Variants in PTTG1 observed in about 807,000 individuals in gnomAD.
PTTG1 encodes the protein securin.
PTTG1 carries 8 observed loss-of-function variants against 20.0 expected under a neutral mutation model. The ratio of observed to expected loss-of-function variants is 0.40; its 90% CI spans 0.23 to 0.72. The LOEUF (loss-of-function observed/expected upper bound fraction) is 0.72, where lower values mean the gene tolerates loss of function less well. Ranked by LOEUF, PTTG1 falls within the 30% of genes least tolerant of loss-of-function variation. PTTG1 has a pLI of 0.38. For synonymous variants in PTTG1, 79 were observed against 87.2 expected, an observed-to-expected ratio of 0.91 and a Z score of 0.52; for missense variants, 197 against 236.0, an observed-to-expected ratio of 0.83 and a Z score of 1.08.
At position 160,428,498 on chromosome 5, in the gene PTTG1, A is replaced by G. The variant is rs371592568; in HGVS notation, c.530-104A>G. 1.3e-5 allele frequency: 14 copies of G among 1,041,610 alleles called. No individual in the cohort carries two copies. The East Asian group carries it at 2.4e-4, about 18-fold the overall frequency. 64.5% of individuals were successfully genotyped at this position (1,041,610 alleles called of 1,614,324 possible). A position where few individuals can be genotyped will look rare whatever the true frequency, so the allele number is the denominator to read the frequency against. On this transcript the variant is annotated intron_variant, in intron 5 of 5. Transcript: ENST00000352433. Reference sequence around the variant, plus strand: ...AGGGGATGCAGGTGATTGATTTGACAAAGGGAAAAACATGAATTTTTGATT... The same window carrying G: ...AGGGGATGCAGGTGATTGATTTGACGAAGGGAAAAACATGAATTTTTGATT...
chr5:160,422,317 C>T lies in PTTG1; in HGVS notation c.5C>T (p.Ala2Val), dbSNP rs61749646. Residue 2 changes from alanine to valine, a missense_variant, in exon 2 of 6, where the codon GCT (alanine) becomes GTT (valine). Ala to Val is a moderately conservative substitution (Grantham distance 64). Coordinates refer to ENST00000352433, the MANE Select transcript of PTTG1 (RefSeq NM_004219.4). ...TCATTCTTAGAATAATCCAGAATGG[C>T]TACTCTGATCTATGTTGATAAGGAA... Reference protein sequence around the residue: MATLIYVDKENG... With the variant: MVTLIYVDKENG... 17 of 1,612,896 alleles carry T rather than the reference C, an allele frequency of 1.1e-5. No individual in the cohort carries two copies. The highest frequency in any genetic ancestry group is 1.4e-5 in the Non-Finnish European group (17 of 1,179,010).
chr5:160,423,912 C>T (rs1002601266), intron 3 of PTTG1, among the ~76,000 whole-genome samples: 2 of 152,282 alleles, frequency 1.3e-5, no homozygotes, highest in East Asian at 3.9e-4. Flanking sequence ...CCAAAAATGG[C>T]TTTGATGATT....
chr5:160,424,685 AT>A, intron 4 of PTTG1: 1 of 168,216 alleles, frequency 5.9e-6, no homozygotes, highest in South Asian at 1.9e-4. Flanking sequence ...CCTGAGAGTA[AT>A]TTGGTAGGAT....
At chr5:160,423,315 C>G (rs879685282) in intron 3 of PTTG1, among the ~76,000 whole-genome samples, 1 of 152,186 alleles carries the variant, frequency 6.6e-6, no homozygotes, top group Non-Finnish European at 1.5e-5. Context: ...CTTAGCCTTC[C>G]AGGGCAAGCA....
chr5:160,422,672 C>T, intron 2 of PTTG1, 37 bp from the exon 3 acceptor site: 1 of 1,606,410 alleles, frequency 6.2e-7, no homozygotes, highest in Non-Finnish European at 8.5e-7. Context: ...AGGTATTTTG[C>T]TGCTGGAATA....
chr5:160,423,300 A>G (rs1409222005), intron 3 of PTTG1, among the ~76,000 whole-genome samples: 1 of 152,236 alleles, frequency 6.6e-6, no homozygotes, highest in Non-Finnish European at 1.5e-5. Flanking sequence ...AGGTGCTGCC[A>G]TTCTCTTAGC....
Position 160,428,704 on chromosome 5 carries a change from G to A in PTTG1, c.*23G>A, listed in dbSNP as rs755029836. ...TAAATTTCTTAGTGCTTCAGAGTTT[G>A]TGTGTATTTGTATTAATAAAGCATT... On this transcript the variant is annotated 3_prime_UTR_variant, in exon 6 of 6. Transcript: ENST00000352433. 2 of 1,583,378 alleles carry A rather than the reference G, an allele frequency of 1.3e-6. No individual in the cohort carries two copies. Among genetic ancestry groups the A allele is most frequent in the Admixed American group, 1.7e-5 (1 of 59,920 alleles).
intron 1 of PTTG1, 177 bp from the exon 2 acceptor site, chr5:160,422,125 C>G: frequency 3.5e-6 from 2 of 566,176 alleles, no homozygotes; most frequent in Non-Finnish European, 6.3e-6. Flanking sequence ...GAGCCTCTGA[C>G]TCAGGCTGGA....
chr5:160,427,797 G>C lies in PTTG1; in HGVS notation c.453G>C (p.Glu151Asp). Residue 151 changes from glutamate to aspartate, a missense_variant, in exon 5 of 6, where the codon GAG becomes GAC. By Grantham distance (45) the Glu-to-Asp change is conservative (BLOSUM62 2). Transcript: ENST00000352433. ...GAGTGCCTCTCATGATCCTTGACGA[G>C]GAGAGAGAGCTTGAAAAGCTGTTTC... ...LSGVPLMILD[E>D]ERELEKLFQL... 4 of 1,614,156 alleles carry C rather than the reference G, an allele frequency of 2.5e-6. No homozygotes were observed. Among genetic ancestry groups the C allele is most frequent in the Non-Finnish European group, 3.4e-6 (4 of 1,180,030 alleles).
rs1765741557 is a variant in PTTG1 at position 160,422,867 on chromosome 5, A to C, written c.250A>C (p.Lys84Gln). 4 of 1,614,212 alleles carry C rather than the reference A, an allele frequency of 2.5e-6. No individual in the cohort carries two copies. Among genetic ancestry groups the C allele is most frequent in the African/African-American group, 1.3e-5 (1 of 75,042 alleles). Reference sequence around the variant, plus strand: ...AAAGACCAAGGGACCCCTCAAACAAAAACAGCCAAGCTTTTCTGCCAAAAA... The same window carrying C: ...AAAGACCAAGGGACCCCTCAAACAACAACAGCCAAGCTTTTCTGCCAAAAA... ...SVKTKGPLKQ[K>Q]QPSFSAKKMT... The change falls in exon 3 of 6, where the codon AAA (lysine) becomes CAA (glutamine). Residue 84 changes from lysine to glutamine, a missense_variant. Coordinates refer to ENST00000352433, the MANE Select transcript of PTTG1 (RefSeq NM_004219.4).
chr5:160,423,430 A>G (rs1424539049), intron 3 of PTTG1, among the ~76,000 whole-genome samples: 2 of 152,276 alleles, frequency 1.3e-5, no homozygotes, highest in Admixed American at 6.5e-5. Context: ...GCTGTGAAAG[A>G]TGACATTAGC....
rs572126319 is a variant in PTTG1, at chr5:160,421,948, G to A, written c.-12+57G>A. 2.0e-4 allele frequency: 40 copies of A among 195,894 alleles called. No individual in the cohort carries two copies. In the Admixed American group the frequency reaches 2.2e-3, roughly 11 times the overall value. 12.1% of individuals were successfully genotyped at this position (195,894 alleles called of 1,614,324 possible). ...TTGAGCCGGCTCCGGCGGGGAAGGA[G>A]GCGGGCTGCGGCTGCGGCTGGGGCT... On this transcript the variant is annotated intron_variant, in intron 1 of 5. Transcript: ENST00000352433.
At chr5:160,425,646 C>G (rs780720054) in intron 4 of PTTG1, among the ~76,000 whole-genome samples, 3 of 152,058 alleles carry the variant, frequency 2.0e-5, no homozygotes, top group African/African-American at 4.8e-5. Context: ...TTATTAACTT[C>G]CGGTTTGTGT....
intron 1 of PTTG1, 176 bp from the exon 2 acceptor site, chr5:160,422,126 T>C (rs749813177): frequency 3.5e-6 from 2 of 567,530 alleles, no homozygotes; most frequent in Non-Finnish European, 6.3e-6. Flanking sequence ...AGCCTCTGAC[T>C]CAGGCTGGAA....
Position 160,427,824 on chromosome 5 carries a change from G to C in PTTG1, c.480G>C (p.Gln160His). 5 of 1,614,180 alleles carry C rather than the reference G, an allele frequency of 3.1e-6. No individual in the cohort carries two copies. The highest frequency in any genetic ancestry group is 4.2e-6 in the Non-Finnish European group (5 of 1,180,024). Residue 160 changes from glutamine (Q) to histidine (H), a missense_variant, in exon 5 of 6, where the codon CAG becomes CAC. Physicochemically the swap from Gln to His is conservative, Grantham distance 24. Transcript: ENST00000352433. ...AGAGAGAGCTTGAAAAGCTGTTTCA[G>C]CTGGGCCCCCCTTCACCTGTGAAGA... ...DEERELEKLF[Q>H]LGPPSPVKMP...
intron 4 of PTTG1, among the ~76,000 whole-genome samples, chr5:160,426,691 A>G (rs1480149490): frequency 1.3e-5 from 2 of 152,260 alleles, no homozygotes; most frequent in Non-Finnish European, 2.9e-5. Flanking sequence ...ACCACAACTG[A>G]TCTCATCAGA....
At chr5:160,422,268 TC>T in intron 1 of PTTG1, 33 bp from the exon 2 acceptor site, 1 of 1,517,040 alleles carries the variant, frequency 6.6e-7, no homozygotes, top group Non-Finnish European at 9.2e-7. Flanking sequence ...TCTCCCACCT[TC>T]CCCAATATCT....
chr5:160,424,317 C>T lies in PTTG1; in HGVS notation c.357C>T (p.Pro119=), dbSNP rs1204368689. Residue 119 remains proline, a synonymous_variant, in exon 4 of 6, where the codon CCC becomes CCT. Coordinates refer to ENST00000352433, the MANE Select transcript of PTTG1 (RefSeq NM_004219.4). ...ATCCAGAAATAGAAAAATTCTTTCC[C>T]TTCAATCCTCTAGGTAGTATCTTTT... The part of the protein sequence containing the change: ...DAYPEIEKFF[P]FNPLDFESFD... 1.2e-6 allele frequency: 2 copies of T among 1,601,228 alleles called. No homozygotes were observed. The highest frequency in any genetic ancestry group is 1.7e-6 in the Non-Finnish European group (2 of 1,168,908).
rs1425084032 is a variant in PTTG1, at chr5:160,428,686, C to A, written c.*5C>A. The A allele has an allele frequency of 6.2e-7, 1 of 1,606,364 alleles. No homozygotes were observed. Among genetic ancestry groups the A allele is most frequent in the South Asian group, 1.1e-5 (1 of 90,914 alleles). On this transcript the variant is annotated 3_prime_UTR_variant, in exon 6 of 6. Transcript: ENST00000352433. ...TGCTGTGACATAGATATTTAAATTT[C>A]TTAGTGCTTCAGAGTTTGTGTGTAT...
Sources: gnomAD v4.1 joint callset for allele counts (sites outside exome capture counted in the v4.1 genomes callset) on GRCh38, gnomAD v4.1.1 for gene constraint, MANE v1.5 for transcripts, NCBI Gene and HGNC (gene_info 2026-07-23, HGNC 2026-07-21) for gene names.